Variants in CACNA1H observed in about 807,000 individuals in gnomAD.
CACNA1H encodes the protein calcium voltage-gated channel subunit alpha1 H, also known as voltage-dependent T-type calcium channel subunit alpha-1H.
CACNA1H carries 149 observed loss-of-function variants against 192.5 expected under a neutral mutation model. The ratio of observed to expected loss-of-function variants is 0.77; its 90% CI spans 0.68 to 0.89. The LOEUF (loss-of-function observed/expected upper bound fraction) is 0.89. CACNA1H is among the 40% of genes least tolerant of loss of function. The probability of loss-of-function intolerance (pLI) is 0.00; values close to 1 mark genes in which losing one functional copy is unlikely to be tolerated. For synonymous variants in CACNA1H, 2,202 were observed against 1,475.2 expected, an observed-to-expected ratio of 1.49 and a Z score of -11.29; for missense variants, 4,257 against 3,423.5, an observed-to-expected ratio of 1.24 and a Z score of -6.08.
intron 20 of CACNA1H, 31 bp from the exon 21 acceptor site, chr16:1,210,756 G>T: frequency 6.3e-7 from 1 of 1,596,798 alleles, no homozygotes; most frequent in Non-Finnish European, 8.5e-7. Flanking sequence ...CCACGCCTGA[G>T]CCTGAGCTCA....
rs528841748 is a variant in CACNA1H at position 1,167,779 on chromosome 16, G to A, written c.299+13743G>A. On this transcript the variant is annotated intron_variant, in intron 2 of 34. Coordinates refer to ENST00000348261, the MANE Select transcript of CACNA1H (RefSeq NM_021098.3). The surrounding 1 kb of genome is among the most constrained non-coding windows in gnomAD (Gnocchi z 4.2). Reference sequence around the variant, plus strand: ...AGGGACACACCCAGACACGGGAAACGGGACACCTGGAGCTGTGGCGCTGGT... The same window carrying A: ...AGGGACACACCCAGACACGGGAAACAGGACACCTGGAGCTGTGGCGCTGGT... Among the ~76,000 whole-genome samples the A allele has an allele frequency of 1.3e-5, 2 of 152,316 alleles. No homozygotes were observed. The highest frequency in any genetic ancestry group is 1.5e-5 in the Non-Finnish European group (1 of 68,028).
Position 1,158,915 on chromosome 16 carries a change from GC to G in CACNA1H, c.299+4886del, listed in dbSNP as rs921984038. ...CAGCCCGCACCCCTGGCCCCGCAGA[GC>G]CCCCCCGCTCAGCCCGCACCGCTGG... On this transcript the variant is annotated intron_variant, in intron 2 of 34. Coordinates refer to ENST00000348261, the MANE Select transcript of CACNA1H (RefSeq NM_021098.3). Among the ~76,000 whole-genome samples, 7 of 151,812 alleles carry G rather than the reference GC, an allele frequency of 4.6e-5. No homozygotes were observed. The East Asian group carries it at 1.2e-3, about 25-fold the overall frequency.
intron 23 of CACNA1H, 31 bp from the exon 24 acceptor site, chr16:1,211,685 C>T (rs748687657): frequency 1.2e-6 from 2 of 1,612,006 alleles, no homozygotes; most frequent in Non-Finnish European, 1.7e-6. Flanking sequence ...CAGCTCTAAC[C>T]CTCGCCAGTG....
chr16:1,195,193 G>C (rs1966860851), intron 3 of CACNA1H, 110 bp downstream of exon 3: 1 of 923,364 alleles, frequency 1.1e-6, no homozygotes, highest in African/African-American at 1.7e-5. Flanking sequence ...GCGTGGAGTG[G>C]GTCAGGGTCG....
At position 1,211,524 on chromosome 16, in the gene CACNA1H, G is replaced by T; in HGVS notation, c.4394G>T (p.Arg1465Met). Residue 1465 changes from arginine to methionine, a missense_variant, in exon 23 of 35, where the codon AGG (arginine) becomes ATG (methionine). Transcript: ENST00000348261. ...KFYYCEGPDT[R>M]NISTKAQCRA... is the part of the protein sequence containing the mutation. Reference sequence around the variant, plus strand: ...TACTACTGCGAGGGCCCCGACACCAGGAACATCTCCACCAAGGCACAGTGC... The same window carrying T: ...TACTACTGCGAGGGCCCCGACACCATGAACATCTCCACCAAGGCACAGTGC... 2 of 1,612,484 alleles carry T rather than the reference G, an allele frequency of 1.2e-6. No homozygotes were observed. Among genetic ancestry groups the T allele is most frequent in the Non-Finnish European group, 1.7e-6 (2 of 1,179,718 alleles).
chr16:1,201,085 C>A (rs1445361608), intron 8 of CACNA1H, among the ~76,000 whole-genome samples: 1 of 152,140 alleles, frequency 6.6e-6, no homozygotes, highest in Non-Finnish European at 1.5e-5. Context: ...GCACCGCTTT[C>A]CACGGGCGTG....
At chr16:1,192,831 G>A (rs1261125386) in intron 2 of CACNA1H, among the ~76,000 whole-genome samples, 1 of 152,204 alleles carries the variant, frequency 6.6e-6, no homozygotes, top group African/African-American at 2.4e-5. Flanking sequence ...CTGGAGTCCA[G>A]GGGTGGCTGG....
At chr16:1,211,459 G>A (rs72552042) in intron 22 of CACNA1H, 22 bp from the exon 23 acceptor site, 155 of 1,612,148 alleles carry the variant, frequency 9.6e-5, no homozygotes, top group Middle Eastern at 3.3e-4. Context: ...GGCCCTCCGC[G>A]GTGACCGTCG....
At position 1,153,110 on chromosome 16, in the gene CACNA1H, C is replaced by G. The variant is rs1007250252; in HGVS notation, c.-379C>G. 1 of 143,798 alleles carries G rather than the reference C, an allele frequency of 7.0e-6. No homozygotes were observed. Among genetic ancestry groups the G allele is most frequent in the Non-Finnish European group, 1.5e-5 (1 of 64,680 alleles). 8.9% of individuals were successfully genotyped at this position (143,798 alleles called of 1,614,324 possible). A position where few individuals can be genotyped will look rare whatever the true frequency, so the allele number is the denominator to read the frequency against. On this transcript the variant is annotated 5_prime_UTR_variant, in exon 1 of 35. Coordinates refer to ENST00000348261, the MANE Select transcript of CACNA1H (RefSeq NM_021098.3). ...CCGCCCCGCCCCCCGCCGCTCAGCC[C>G]GAAGTTTCCTGCGCCGCGCGCGGAC...
intron 16 of CACNA1H, 145 bp downstream of exon 16, chr16:1,208,366 C>G: frequency 1.5e-6 from 1 of 687,074 alleles, no homozygotes; most frequent in Non-Finnish European, 2.5e-6. Flanking sequence ...AAAGAGTGTT[C>G]TGGTTTCCGG....
chr16:1,175,894 T>C (rs934291882), intron 2 of CACNA1H, among the ~76,000 whole-genome samples: 1 of 152,120 alleles, frequency 6.6e-6, no homozygotes, highest in Non-Finnish European at 1.5e-5. Context: ...CTGCCATTCC[T>C]CCTGCCCGGA....
chr16:1,204,396 C>T lies in CACNA1H; in HGVS notation c.2389C>T (p.Arg797Cys), dbSNP rs183042575. 7.1e-6 allele frequency: 11 copies of T among 1,557,292 alleles called. No homozygotes were observed. Among genetic ancestry groups the T allele is most frequent in the South Asian group, 2.5e-5 (2 of 80,556 alleles). The change falls in exon 10 of 35, where the codon CGT becomes TGT. Residue 797 changes from arginine to cysteine, a missense_variant. Arg to Cys is a radical substitution (Grantham distance 180, BLOSUM62 -3). Coordinates refer to ENST00000348261, the MANE Select transcript of CACNA1H (RefSeq NM_021098.3). ...CATCGTGGACAGCAAGTACTTCAGC[C>T]GTGGCATCATGATGGCCATCCTTGT... ...RRIVDSKYFS[R>C]GIMMAILVNT...
At chr16:1,200,867 G>A in intron 8 of CACNA1H, 59 bp downstream of exon 8, 3 of 1,387,900 alleles carry the variant, frequency 2.2e-6, no homozygotes, top group Non-Finnish European at 3.0e-6. Context: ...GCTGGGGGTG[G>A]GGTGGGGTAC....
chr16:1,175,829 G>C (rs1964827793), intron 2 of CACNA1H, among the ~76,000 whole-genome samples: 1 of 152,212 alleles, frequency 6.6e-6, no homozygotes, highest in Non-Finnish European at 1.5e-5. Context: ...GGCTTGGGAT[G>C]GTGCGTTGAG....
At chr16:1,187,888 C>G (rs1032146942) in intron 2 of CACNA1H, among the ~76,000 whole-genome samples, 1 of 152,224 alleles carries the variant, frequency 6.6e-6, no homozygotes, top group South Asian at 2.1e-4. Flanking sequence ...GTAGAAACAT[C>G]TGTCCTGACC....
In CACNA1H at chr16:1,208,083, C is replaced by T. The variant is rs1040791509; in HGVS notation, c.3225C>T (p.Pro1075=). The T allele has an allele frequency of 1.2e-5, 20 of 1,601,290 alleles. No homozygotes were observed. The highest frequency in any genetic ancestry group is 9.4e-5 in the African/African-American group (7 of 74,590). Reference sequence around the variant, plus strand: ...AGGGACGAGGCAGCCTGTCCCCTCCCCTCATCATGTGCACAGCTGCCACGC... The same window carrying T: ...AGGGACGAGGCAGCCTGTCCCCTCCTCTCATCATGTGCACAGCTGCCACGC... ...HLEGRGSLSP[P]LIMCTAATPM... is the part of the protein sequence containing the mutation. The change falls in exon 16 of 35, where the codon CCC becomes CCT. Residue 1075 remains proline, a synonymous_variant. Coordinates refer to ENST00000348261, the MANE Select transcript of CACNA1H (RefSeq NM_021098.3).
Position 1,215,007 on chromosome 16 carries a change from C to T in CACNA1H, c.4965C>T (p.Val1655=), listed in dbSNP as rs753514547. The part of the protein sequence containing the change: ...LDEALKYCNY[V]FTIVFVFEAA... ...AGGCCCTCAAGTACTGCAACTACGT[C>T]TTCACCATCGTGTTTGTCTTCGAGG... The change falls in exon 28 of 35, where the codon GTC becomes GTT. Residue 1655 remains valine, a synonymous_variant. Transcript: ENST00000348261. The T allele has an allele frequency of 1.9e-6, 3 of 1,612,418 alleles. No individual in the cohort carries two copies. Among genetic ancestry groups the T allele is most frequent in the Non-Finnish European group, 2.5e-6 (3 of 1,179,370 alleles).
chr16:1,215,399 G>A (rs757867180), intron 29 of CACNA1H, 24 bp downstream of exon 29: 2 of 1,451,298 alleles, frequency 1.4e-6, no homozygotes, highest in Non-Finnish European at 9.3e-7. Context: ...TGCCCGCCAG[G>A]TTCTCTCTGC....
At chr16:1,207,223 G>C in intron 13 of CACNA1H, 52 bp from the exon 14 acceptor site, 1 of 1,562,650 alleles carries the variant, frequency 6.4e-7, no homozygotes, top group South Asian at 1.2e-5. Context: ...CCAAGGACTT[G>C]CCGGCATTTC....
Sources: gnomAD v4.1 joint callset for allele counts (sites outside exome capture counted in the v4.1 genomes callset) on GRCh38, gnomAD v4.1.1 for gene constraint, Gnocchi (gnomAD v3.1) non-coding constraint, MANE v1.5 for transcripts, NCBI Gene and HGNC (gene_info 2026-07-23, HGNC 2026-07-21) for gene names.